The following BSPH1 variants were observed in gnomAD, a reference collection of about 807,000 sequenced individuals.
BSPH1 encodes the protein binder of sperm protein homolog 1.
Under a neutral mutation model 22.5 loss-of-function variants are expected in BSPH1, and 21 were observed. That is an observed-to-expected ratio of 0.93 (90% CI 0.66 to 1.35). BSPH1 has a LOEUF of 1.35. BSPH1 is among the 40% of genes most tolerant of loss of function. The probability of loss-of-function intolerance (pLI) is 0.00; values close to 1 mark genes in which losing one functional copy is unlikely to be tolerated. For missense variants in BSPH1, 141 were observed against 154.2 expected (o/e 0.91, Z 0.45); for synonymous variants, 42 against 53.6 (o/e 0.78, Z 0.95).
chr19:47,983,003 G>A (rs1429629590), intron 1 of BSPH1, among the ~76,000 whole-genome samples: 1 of 152,160 alleles, frequency 6.6e-6, no homozygotes, highest in Non-Finnish European at 1.5e-5. Flanking sequence ...TTTCAGTTTG[G>A]GACAATGAAA....
chr19:47,979,922 G>A (rs1163733336), intron 2 of BSPH1, among the ~76,000 whole-genome samples: 1 of 151,952 alleles, frequency 6.6e-6, no homozygotes, highest in Non-Finnish European at 1.5e-5. Context: ...TATCAGTATA[G>A]AGAAAAACTA....
rs144083285 is a variant in BSPH1 at position 47,992,101 on chromosome 19, G to A, written c.-20C>T. 2.8e-5 allele frequency: 44 copies of A among 1,546,184 alleles called. 1 individual carries two copies. The African/African-American group carries it at 3.6e-4, about 13-fold the overall frequency. On this transcript the variant is annotated 5_prime_UTR_variant, in exon 1 of 6. Transcript: ENST00000344839. ...GCCCATGGGCAGTCACAGGCTTCCC[G>A]GTATCTCAGATCTTCCTGGTCTTTG...
chr19:47,991,142 C>T (rs577154554), intron 1 of BSPH1, among the ~76,000 whole-genome samples: 4 of 152,264 alleles, frequency 2.6e-5, no homozygotes, highest in South Asian at 2.1e-4. Context: ...TGCAGGACTC[C>T]GTCCCAGCCA....
intron 2 of BSPH1, 27 bp downstream of exon 2, chr19:47,980,894 C>T: frequency 7.2e-7 from 1 of 1,384,686 alleles, no homozygotes; most frequent in South Asian, 1.4e-5. Context: ...AAAAGAAACG[C>T]TAATAAAAGT....
intron 1 of BSPH1, among the ~76,000 whole-genome samples, chr19:47,982,705 C>G (rs1299279756): frequency 6.6e-6 from 1 of 152,196 alleles, no homozygotes; most frequent in Non-Finnish European, 1.5e-5. Flanking sequence ...AAAGAACCCA[C>G]ATGTCCGTGA....
chr19:47,976,609 CT>C, intron 5 of BSPH1, 100 bp downstream of exon 5: 2 of 664,822 alleles, frequency 3.0e-6, no homozygotes, highest in African/African-American at 1.9e-5. Context: ...AAAAAAAACC[CT>C]CTCTAATGAG....
intron 5 of BSPH1, among the ~76,000 whole-genome samples, chr19:47,969,788 T>A (rs552147563): frequency 8.6e-5 from 13 of 150,472 alleles, no homozygotes; most frequent in South Asian, 2.1e-4. Context: ...TGTGTGTGTG[T>A]GAGAGAGACT....
In BSPH1 at chr19:47,977,380, A is replaced by G. The variant is rs1019402441; in HGVS notation, c.249T>C (p.Ser83=). Residue 83 remains serine, a synonymous_variant, in exon 4 of 6, where the codon AGT becomes AGC. Transcript: ENST00000344839. Reference sequence around the variant, plus strand: ...TAGAGACAGGACACTCACCTTCTGCACTGCAAAACTTCCAGTATCCTTCGT... The same window carrying G: ...TAGAGACAGGACACTCACCTTCTGCGCTGCAAAACTTCCAGTATCCTTCGT... ...KTYEGYWKFC[S]AEDFANCVFP... is the part of the protein sequence containing the mutation. The G allele has an allele frequency of 2.1e-5, 33 of 1,551,912 alleles. No homozygotes were observed. In the Admixed American group the frequency reaches 2.9e-4, roughly 14 times the overall value.
downstream of BSPH1, chr19:47,968,025 G>T (rs1369327891): frequency 6.6e-6 from 1 of 152,196 alleles, no homozygotes; most frequent in African/African-American, 2.4e-5. Context: ...TCCCTGCAAA[G>T]ATTTCCCTTT....
chr19:47,972,780 T>A (rs1358708704), intron 5 of BSPH1, among the ~76,000 whole-genome samples: 2 of 152,048 alleles, frequency 1.3e-5, no homozygotes, highest in African/African-American at 4.8e-5. Flanking sequence ...ATGTAATTTT[T>A]AAAAAATTAA....
intron 4 of BSPH1, among the ~76,000 whole-genome samples, chr19:47,977,167 T>C (rs1969373009): frequency 6.6e-6 from 1 of 152,252 alleles, no homozygotes; most frequent in South Asian, 2.1e-4. Flanking sequence ...ATTAAAAAGA[T>C]TCTTTTCAAA....
chr19:47,969,398 A>G (rs536465307), intron 5 of BSPH1, among the ~76,000 whole-genome samples: 35 of 152,242 alleles, frequency 2.3e-4, no homozygotes, highest in African/African-American at 6.7e-4. Context: ...AGTTTGATAT[A>G]TGCTTTTGGG....
intron 5 of BSPH1, among the ~76,000 whole-genome samples, chr19:47,975,365 T>C (rs1460037600): frequency 1.3e-5 from 2 of 151,950 alleles, no homozygotes; most frequent in African/African-American, 2.4e-5. Flanking sequence ...CAGATTCTGC[T>C]TACCGAACGA....
At chr19:47,974,487 C>T (rs184160576) in intron 5 of BSPH1, among the ~76,000 whole-genome samples, 1 of 152,080 alleles carries the variant, frequency 6.6e-6, no homozygotes, top group East Asian at 1.9e-4. Context: ...CTGGCCTGGT[C>T]TCAAACTCCT....
intron 5 of BSPH1, among the ~76,000 whole-genome samples, chr19:47,974,265 CTCTCTTTTTTTT>C (rs1347907515): frequency 2.5e-5 from 3 of 120,110 alleles, no homozygotes; most frequent in African/African-American, 1.2e-4. Context: ...TTCTCTCTCT[CTCTCTTTTTTTT>C]TTTTTTTTTT....
Position 47,986,580 on chromosome 19 carries a change from A to G in BSPH1, c.73+5429T>C, listed in dbSNP as rs577907312. ...ATAGCAAGACCCCATCTCTGCAATA[A>G]ATAAAGACACAAAAATTAGCTGGGC... On this transcript the variant is annotated intron_variant, in intron 1 of 5. Coordinates refer to ENST00000344839, the MANE Select transcript of BSPH1 (RefSeq NM_001128326.2). Among the ~76,000 whole-genome samples, 34 of 151,994 alleles carry G rather than the reference A, an allele frequency of 2.2e-4. 1 individual carries two copies. The highest frequency in any genetic ancestry group is 7.7e-4 in the African/African-American group (32 of 41,466).
rs1042584012 is a variant in BSPH1, at chr19:47,984,098, C to T, written c.74-3157G>A. The stretch of plus-strand genomic sequence containing the variant: ...CTGACCTCAGGTGATCCACCCACCT[C>T]GGCCTCCCAAAGTGCTGGGATTACA... On this transcript the variant is annotated intron_variant, in intron 1 of 5. Coordinates refer to ENST00000344839, the MANE Select transcript of BSPH1 (RefSeq NM_001128326.2). 6.0e-5 allele frequency among the ~76,000 whole-genome samples: 9 copies of T among 150,220 alleles called. No individual in the cohort carries two copies. In the East Asian group the frequency reaches 1.2e-3, roughly 19 times the overall value.
intron 1 of BSPH1, among the ~76,000 whole-genome samples, chr19:47,991,659 G>C (rs62652779): frequency 1.4e-4 from 5 of 37,006 alleles, no homozygotes; most frequent in Admixed American, 4.1e-4. Flanking sequence ...TCCTCCGTCT[G>C]CTCCTCCTCC....
intron 5 of BSPH1, among the ~76,000 whole-genome samples, chr19:47,968,717 G>T (rs1969281448): frequency 6.9e-6 from 1 of 144,386 alleles, no homozygotes; most frequent in African/African-American, 2.5e-5. Context: ...ATCACTGATG[G>T]ACCAGGCACA....
Sources: allele counts gnomAD v4.1 joint callset (sites outside exome capture counted in the v4.1 genomes callset), GRCh38; gene constraint gnomAD v4.1.1; transcripts MANE v1.5; gene names NCBI Gene and HGNC (gene_info 2026-07-23, HGNC 2026-07-21).